Variants in FAM13C observed in about 807,000 individuals in gnomAD.
The protein encoded by FAM13C is protein FAM13C.
In FAM13C, 37 loss-of-function variants were observed where a neutral mutation model predicts 73.2. That is an observed-to-expected ratio of 0.51 (90% CI 0.39 to 0.67). The LOEUF (loss-of-function observed/expected upper bound fraction) is 0.67, where lower values mean the gene tolerates loss of function less well. Ranked by LOEUF, FAM13C falls within the 30% of genes least tolerant of loss-of-function variation. The pLI, the probability that FAM13C is intolerant of heterozygous loss-of-function variation, is 0.00. For synonymous variants in FAM13C, 246 were observed against 260.9 expected (o/e 0.94, Z 0.55); for missense variants, 589 against 715.6 (o/e 0.82, Z 2.02).
intron 6 of FAM13C, among the ~76,000 whole-genome samples, chr10:59,271,022 G>A (rs184892745): frequency 6.6e-6 from 1 of 152,232 alleles, no homozygotes; most frequent in East Asian, 1.9e-4. Context: ...AGGCACAGCA[G>A]CAGGGGATCA....
chr10:59,246,663 C>T lies in FAM13C; in HGVS notation c.*951G>A, dbSNP rs551676824. 7.5e-6 allele frequency: 3 copies of T among 397,544 alleles called. No individual in the cohort carries two copies. Among genetic ancestry groups the T allele is most frequent in the African/African-American group, 6.2e-5 (3 of 48,704 alleles). The allele number at this position is 397,544 out of a possible 1,614,324, so 24.6% of individuals were successfully genotyped here. ...TTCTTTTTCAAGGTATCAGGGCAAA[C>T]AATTTCCAAACTTTTCATTTTGTAC... On this transcript the variant is annotated 3_prime_UTR_variant, in exon 14 of 14. Transcript: ENST00000618804.
At position 59,268,288 on chromosome 10, in the gene FAM13C, A is replaced by C. The variant is rs182316562; in HGVS notation, c.942+265T>G. On this transcript the variant is annotated intron_variant, in intron 8 of 13. Coordinates refer to ENST00000618804, the MANE Select transcript of FAM13C (RefSeq NM_198215.4). ...AGCTTTCCAAATTTTGTTCCTCAGA[A>C]AAAAAAAGGTGAGATCAATAATCAA... Among the ~76,000 whole-genome samples the C allele has an allele frequency of 3.9e-5, 6 of 152,188 alleles. No homozygotes were observed. The East Asian group carries it at 9.7e-4, about 25-fold the overall frequency.
chr10:59,307,469 T>G (rs1198286935), intron 4 of FAM13C, among the ~76,000 whole-genome samples: 1 of 152,222 alleles, frequency 6.6e-6, no homozygotes, highest in East Asian at 1.9e-4. Context: ...ATTATTTTAT[T>G]TAATCATCAA....
intron 3 of FAM13C, among the ~76,000 whole-genome samples, chr10:59,334,795 T>C (rs1393097473): frequency 3.3e-5 from 5 of 151,660 alleles, no homozygotes; most frequent in Non-Finnish European, 7.4e-5. Flanking sequence ...GAGATATACC[T>C]AATGTTAAAT....
At position 59,247,469 on chromosome 10, in the gene FAM13C, C is replaced by A. The variant is rs1840814400; in HGVS notation, c.*145G>T. 4.3e-6 allele frequency: 4 copies of A among 937,482 alleles called. No homozygotes were observed. The South Asian group carries it at 5.9e-5, about 14-fold the overall frequency. The allele number at this position is 937,482 out of a possible 1,614,324, so 58.1% of individuals were successfully genotyped here. A position where few individuals can be genotyped will look rare whatever the true frequency, so the allele number is the denominator to read the frequency against. On this transcript the variant is annotated 3_prime_UTR_variant, in exon 14 of 14. Transcript: ENST00000618804. The stretch of plus-strand genomic sequence containing the variant: ...TCCCTTCTCCTTGTATATAATTAAA[C>A]TTGCTATTCCTTCTTAAAAACAGCT...
chr10:59,334,662 A>T (rs1469033142), intron 3 of FAM13C, among the ~76,000 whole-genome samples: 2 of 151,524 alleles, frequency 1.3e-5, no homozygotes, highest in African/African-American at 4.8e-5. Context: ...GCAAGGACAA[A>T]AAAACCAAAC....
intron 5 of FAM13C, among the ~76,000 whole-genome samples, chr10:59,284,838 C>T (rs1845371539): frequency 6.6e-6 from 1 of 151,538 alleles, no homozygotes; most frequent in African/African-American, 2.4e-5. Context: ...GCACACCCAC[C>T]TCACACACAC....
chr10:59,346,645 C>G lies in FAM13C; in HGVS notation c.324+5625G>C, dbSNP rs185610099. Among the ~76,000 whole-genome samples the G allele has an allele frequency of 1.6e-4, 25 of 152,294 alleles. 1 individual carries two copies. The highest frequency in any genetic ancestry group is 1.5e-5 in the Non-Finnish European group (1 of 68,024). Reference sequence around the variant, plus strand: ...ATGGCACGGAGTGGGGATGACAAGACTGCCTCTACCATTGCTAAAAATGAG... The same window carrying G: ...ATGGCACGGAGTGGGGATGACAAGAGTGCCTCTACCATTGCTAAAAATGAG... On this transcript the variant is annotated intron_variant, in intron 3 of 13. Transcript: ENST00000618804.
Position 59,324,820 on chromosome 10 carries a change from G to A in FAM13C, c.325-714C>T, listed in dbSNP as rs552116130. Among the ~76,000 whole-genome samples, 7 of 152,112 alleles carry A rather than the reference G, an allele frequency of 4.6e-5. No individual in the cohort carries two copies. The South Asian group carries it at 1.5e-3, about 32-fold the overall frequency. ...ACATTGCATCTAAAGAAACCACAAT[G>A]TGGGTTATCCATGATGCAATTGCTC... On this transcript the variant is annotated intron_variant, in intron 3 of 13. Transcript: ENST00000618804.
chr10:59,268,821 C>A (rs1843378022), intron 7 of FAM13C, 130 bp from the exon 8 acceptor site: 1 of 1,081,964 alleles, frequency 9.2e-7, no homozygotes, highest in East Asian at 2.6e-5. Flanking sequence ...TTGATGAGGC[C>A]ACCATGGTAG....
chr10:59,334,748 G>A (rs558748334), intron 3 of FAM13C, among the ~76,000 whole-genome samples: 9 of 136,836 alleles, frequency 6.6e-5, no homozygotes, highest in East Asian at 2.4e-4. Context: ...ATCACACACC[G>A]GGGCCTGTTG....
In FAM13C at chr10:59,246,765, G is replaced by A; in HGVS notation, c.*849C>T. On this transcript the variant is annotated 3_prime_UTR_variant, in exon 14 of 14. Transcript: ENST00000618804. ...TAGATGTTGGAACATTAAGAAAAAT[G>A]TATATTCCCAATGAAAAAATAGTTA... 1 of 395,510 alleles carries A rather than the reference G, an allele frequency of 2.5e-6. No individual in the cohort carries two copies. Among genetic ancestry groups the A allele is most frequent in the Non-Finnish European group, 4.5e-6 (1 of 224,086 alleles). The allele number at this position is 395,510 out of a possible 1,614,324, so 24.5% of individuals were successfully genotyped here.
At chr10:59,326,720 C>T (rs977688442) in intron 3 of FAM13C, among the ~76,000 whole-genome samples, 56 of 152,310 alleles carry the variant, frequency 3.7e-4, no homozygotes, top group African/African-American at 1.3e-3. Flanking sequence ...GCAAAGCTCA[C>T]ATGGGAATCA....
intron 3 of FAM13C, among the ~76,000 whole-genome samples, chr10:59,329,342 GTTTTTTTTTTTTTT>G (rs71006247): frequency 7.8e-5 from 6 of 77,310 alleles, no homozygotes; most frequent in East Asian, 3.9e-4. Context: ...TTTCTTTCTG[GTTTTTTTTTTTTTT>G]TTTTTTTTTT....
intron 5 of FAM13C, chr10:59,296,978 A>C (rs1351217994): frequency 6.6e-6 from 1 of 152,248 alleles, no homozygotes; most frequent in African/African-American, 2.4e-5. Context: ...AGCACTCAAA[A>C]TGGAGTCTTC....
At chr10:59,325,646 A>G (rs180978605) in intron 3 of FAM13C, among the ~76,000 whole-genome samples, 18 of 152,300 alleles carry the variant, frequency 1.2e-4, no homozygotes, top group East Asian at 7.7e-4. Context: ...GCCAAATTAC[A>G]TAAGTTATCT....
At chr10:59,296,123 T>A (rs72808541) in intron 5 of FAM13C, among the ~76,000 whole-genome samples, 23,979 of 152,148 alleles carry the variant, frequency 0.16, 2,268 homozygotes, top group East Asian at 0.27. Context: ...CTAGGAAGCC[T>A]CTTCCTAGAC....
intron 6 of FAM13C, among the ~76,000 whole-genome samples, chr10:59,273,488 T>C (rs1055272318): frequency 2.6e-5 from 4 of 152,182 alleles, no homozygotes; most frequent in Non-Finnish European, 4.4e-5. Context: ...TATAAAAACA[T>C]AATAATCATC....
intron 6 of FAM13C, among the ~76,000 whole-genome samples, chr10:59,275,805 T>C (rs879583679): frequency 7.9e-5 from 12 of 152,218 alleles, no homozygotes; most frequent in Admixed American, 2.6e-4. Flanking sequence ...TACAATCAGG[T>C]ATAACAACAC....
Sources: allele counts gnomAD v4.1 joint callset (sites outside exome capture counted in the v4.1 genomes callset), GRCh38; gene constraint gnomAD v4.1.1; transcripts MANE v1.5; gene names NCBI Gene and HGNC (gene_info 2026-07-23, HGNC 2026-07-21).